The following TRIML1 variants were observed in gnomAD, a reference collection of about 807,000 sequenced individuals.
TRIML1 encodes probable E3 ubiquitin-protein ligase TRIML1.
A neutral mutation model predicts 32.3 loss-of-function variants in TRIML1; 34 were observed. That is an observed-to-expected ratio of 1.05 (90% CI 0.80 to 1.40). The LOEUF (loss-of-function observed/expected upper bound fraction) is 1.40. TRIML1 is among the 40% of genes most tolerant of loss of function. The pLI is 0.00. For synonymous variants in TRIML1, 244 were observed against 226.6 expected, an observed-to-expected ratio of 1.08 and a Z score of -0.69; for missense variants, 595 against 574.9, an observed-to-expected ratio of 1.03 and a Z score of -0.36.
At chr4:188,141,394 G>A (rs573619819) in intron 2 of TRIML1, among the ~76,000 whole-genome samples, 8 of 151,836 alleles carry the variant, frequency 5.3e-5, no homozygotes, top group Admixed American at 2.0e-4. Context: ...TCGAACTCCC[G>A]ACCTCAGGTA....
chr4:188,142,606 C>T, intron 3 of TRIML1, 124 bp downstream of exon 3: 1 of 719,534 alleles, frequency 1.4e-6, no homozygotes, highest in Admixed American at 3.1e-5. Context: ...AGTAGTTTTC[C>T]TAAAGAATTG....
chr4:188,150,184 G>A (rs1735213725), downstream of TRIML1, among the ~76,000 whole-genome samples: 1 of 151,444 alleles, frequency 6.6e-6, no homozygotes, highest in Admixed American at 6.6e-5. Flanking sequence ...GGAGTGAAGT[G>A]GCATGATCTC....
Position 188,147,068 on chromosome 4 carries a change from T to C in TRIML1, c.1103T>C (p.Leu368Pro). 6.2e-7 allele frequency: 1 copy of C among 1,613,278 alleles called. No homozygotes were observed. The highest frequency in any genetic ancestry group is 1.1e-5 in the South Asian group (1 of 90,972). Residue 368 changes from leucine (L) to proline (P), a missense_variant, in exon 6 of 6, where the codon CTC (leucine) becomes CCC (proline). Coordinates refer to ENST00000332517, the MANE Select transcript of TRIML1 (RefSeq NM_178556.5). ...GACTCTGTGAGCAGAAAGGGGAATC[T>C]CCCCAAGCCACCTGGGGACCTGTTC... ...CKDSVSRKGNLPKPPGDLFSL... is the reference protein window; with the variant it reads ...CKDSVSRKGNPPKPPGDLFSL...
At chr4:188,137,992 C>G (rs886967827), upstream of TRIML1, among the ~76,000 whole-genome samples, 3 of 148,554 alleles carry the variant, frequency 2.0e-5, no homozygotes, top group African/African-American at 7.4e-5. Flanking sequence ...AAGTTAGTAT[C>G]CTGGAGGCTA....
intron 5 of TRIML1, 119 bp from the exon 6 acceptor site, chr4:188,146,703 G>T (rs958060495): frequency 1.2e-6 from 1 of 811,608 alleles, no homozygotes; most frequent in South Asian, 4.6e-5. Context: ...CATCACGCCC[G>T]GCCCCAAATT....
chr4:188,149,304 T>A (rs142409657), downstream of TRIML1, among the ~76,000 whole-genome samples: 7 of 152,174 alleles, frequency 4.6e-5, no homozygotes, highest in Non-Finnish European at 8.8e-5. Flanking sequence ...CCTCCTCTCA[T>A]CTCTCAGATA....
At chr4:188,143,795 G>A (rs111910671) in intron 3 of TRIML1, 43 bp from the exon 4 acceptor site, 1 of 1,613,264 alleles carries the variant, frequency 6.2e-7, no homozygotes, top group Non-Finnish European at 8.5e-7. Flanking sequence ...TCTGTGTTAT[G>A]ATCAAAGCGC....
At chr4:188,141,505 T>C (rs1462641838) in intron 2 of TRIML1, among the ~76,000 whole-genome samples, 1 of 152,176 alleles carries the variant, frequency 6.6e-6, no homozygotes, top group African/African-American at 2.4e-5. Context: ...TTGCCATGTA[T>C]GTTTCTGTTC....
In TRIML1 at chr4:188,140,599, G is replaced by T; in HGVS notation, c.480G>T (p.Glu160Asp). ...RKEAQAVLTH[E>D]KERVKLCQEE... ...AAGCTCAGGCTGTACTAACCCATGA[G>T]AAGGAGAGAGTGAAACTGTGCCAGG... The change falls in exon 2 of 6, where the codon GAG becomes GAT. Residue 160 changes from glutamate to aspartate, a missense_variant. Glu to Asp is a conservative substitution (Grantham distance 45, BLOSUM62 2). Transcript: ENST00000332517. The T allele has an allele frequency of 1.2e-6, 2 of 1,613,904 alleles. No homozygotes were observed. The highest frequency in any genetic ancestry group is 1.7e-6 in the Non-Finnish European group (2 of 1,179,844).
In TRIML1 at chr4:188,147,734, C is replaced by T. The variant is rs1389662675; in HGVS notation, c.*362C>T. 2 of 170,938 alleles carry T rather than the reference C, an allele frequency of 1.2e-5. No homozygotes were observed. The highest frequency in any genetic ancestry group is 2.5e-5 in the Non-Finnish European group (2 of 81,144). 10.6% of individuals were successfully genotyped at this position (170,938 alleles called of 1,614,324 possible). On this transcript the variant is annotated 3_prime_UTR_variant, in exon 6 of 6. Coordinates refer to ENST00000332517, the MANE Select transcript of TRIML1 (RefSeq NM_178556.5). ...TTTTCAAGTGTATTTAATTATTTGA[C>T]TCTTAAAAACTGTGCTGCTCGAATG...
intron 5 of TRIML1, among the ~76,000 whole-genome samples, 184 bp downstream of exon 5, chr4:188,144,317 A>C (rs1734975781): frequency 3.3e-5 from 5 of 150,988 alleles, no homozygotes; most frequent in Admixed American, 3.3e-4. Context: ...AGAAGCAGTG[A>C]GACTTGACTC....
chr4:188,142,802 G>A, intron 3 of TRIML1: 1 of 234,848 alleles, frequency 4.3e-6, no homozygotes, highest in Non-Finnish European at 8.2e-6. Flanking sequence ...CTATGTGCTG[G>A]GCACATTAAA....
At position 188,144,093 on chromosome 4, in the gene TRIML1, C is replaced by T. The variant is rs961061054; in HGVS notation, c.816C>T (p.Cys272=). The T allele has an allele frequency of 6.2e-7, 1 of 1,613,948 alleles. No homozygotes were observed. The highest frequency in any genetic ancestry group is 1.3e-5 in the African/African-American group (1 of 74,918). ...PEATTTELSL[C]RITGMKEMLR... is the part of the protein sequence containing the mutation. Reference sequence around the variant, plus strand: ...CCACCACCACAGAGCTGAGTCTGTGCCGCATCACGGGAATGAAGGAGATGC... The same window carrying T: ...CCACCACCACAGAGCTGAGTCTGTGTCGCATCACGGGAATGAAGGAGATGC... The change falls in exon 5 of 6, where the codon TGC becomes TGT. Residue 272 remains cysteine, a synonymous_variant. Transcript: ENST00000332517.
chr4:188,147,745 T>C (rs1166177525), downstream of TRIML1: 1 of 163,442 alleles, frequency 6.1e-6, no homozygotes, highest in Non-Finnish European at 1.3e-5. Flanking sequence ...TCTTAAAAAC[T>C]GTGCTGCTCG....
At chr4:188,149,879 C>A (rs895600932), downstream of TRIML1, among the ~76,000 whole-genome samples, 1 of 152,044 alleles carries the variant, frequency 6.6e-6, no homozygotes, top group Non-Finnish European at 1.5e-5. Flanking sequence ...CTTGGCTCAC[C>A]GAAACCTCTA....
At chr4:188,147,973 C>T (rs915096454), downstream of TRIML1, among the ~76,000 whole-genome samples, 4 of 152,140 alleles carry the variant, frequency 2.6e-5, no homozygotes, top group Non-Finnish European at 5.9e-5. Context: ...GTGTGAATGT[C>T]GTCATACCAT....
At position 188,143,880 on chromosome 4, in the gene TRIML1, T is replaced by G; in HGVS notation, c.758+20T>G. 2 of 1,614,140 alleles carry G rather than the reference T, an allele frequency of 1.2e-6. No individual in the cohort carries two copies. The highest frequency in any genetic ancestry group is 2.7e-5 in the African/African-American group (2 of 75,052). ...GGAAAGGTAGGCTTTCATTCTGTGTTCAGTTATGCAAGCTGCGGGGCAGTG... is the reference window on the plus strand; with the variant it reads ...GGAAAGGTAGGCTTTCATTCTGTGTGCAGTTATGCAAGCTGCGGGGCAGTG... On this transcript the variant is annotated intron_variant, in intron 4 of 5. Transcript: ENST00000332517.
At position 188,139,774 on chromosome 4, in the gene TRIML1, G is replaced by A. The variant is rs1411089832; in HGVS notation, c.216G>A (p.Gly72=). 1.2e-6 allele frequency: 2 copies of A among 1,613,980 alleles called. No homozygotes were observed. The highest frequency in any genetic ancestry group is 2.7e-5 in the African/African-American group (2 of 75,038). ...ATTTCCAGTCAAACGAGCGTCTGGG[G>A]AGGCTGGCCAGCATCGCCAGGCAGC... ...GPHFQSNERL[G]RLASIARQLR... The change falls in exon 1 of 6, where the codon GGG becomes GGA. Residue 72 remains glycine, a synonymous_variant. Coordinates refer to ENST00000332517, the MANE Select transcript of TRIML1 (RefSeq NM_178556.5).
chr4:188,143,786 C>G (rs1272434111), intron 3 of TRIML1, 52 bp from the exon 4 acceptor site: 3 of 1,609,894 alleles, frequency 1.9e-6, no homozygotes, highest in Non-Finnish European at 1.7e-6. Context: ...TGAATTTCGT[C>G]TGTGTTATGA....
Sources: allele counts gnomAD v4.1 joint callset (sites outside exome capture counted in the v4.1 genomes callset), GRCh38; gene constraint gnomAD v4.1.1; transcripts MANE v1.5; gene names NCBI Gene and HGNC (gene_info 2026-07-23, HGNC 2026-07-21).